Variants in ADPRHL1 observed in about 807,000 individuals in gnomAD.
ADPRHL1 encodes inactive ADP-ribosyltransferase ARH2.
ADPRHL1 carries 43 observed loss-of-function variants against 44.1 expected under a neutral mutation model. The ratio of observed to expected loss-of-function variants is 0.98; its 90% CI spans 0.76 to 1.26. ADPRHL1 has a LOEUF of 1.26. ADPRHL1 is among the 50% of genes most tolerant of loss of function. ADPRHL1 has a pLI of 0.00. For missense variants in ADPRHL1, 2,022 were observed against 2,496.9 expected (o/e 0.81, Z 4.05); for synonymous variants, 878 against 1,017.4 (o/e 0.86, Z 2.61).
chr13:113,426,193 C>T (rs2043966977), intron 4 of ADPRHL1, among the ~76,000 whole-genome samples: 1 of 152,228 alleles, frequency 6.6e-6, no homozygotes. Context: ...CCTGCAGCTA[C>T]ACACCCTACA....
chr13:113,453,104 G>A lies in ADPRHL1; in HGVS notation c.214+120C>T. ...ATTGCCACTTTTAGCAGCGGTATCA[G>A]GTAACACCATCCGCTGAAGGACCGC... On this transcript the variant is annotated intron_variant, in intron 1 of 7. Transcript: ENST00000612156. This position sits in a 1 kb window ranked among gnomAD's most constrained non-coding sequence, Gnocchi z 5.4. 1 of 1,081,610 alleles carries A rather than the reference G, an allele frequency of 9.2e-7. No homozygotes were observed. The highest frequency in any genetic ancestry group is 1.3e-6 in the Non-Finnish European group (1 of 742,632). 67.0% of individuals were successfully genotyped at this position (1,081,610 alleles called of 1,614,324 possible).
intron 7 of ADPRHL1, among the ~76,000 whole-genome samples, chr13:113,412,732 C>T (rs2043862221): frequency 6.6e-6 from 1 of 151,052 alleles, no homozygotes; most frequent in Non-Finnish European, 1.5e-5. Flanking sequence ...CACCCACCGC[C>T]AACAGTGCCC....
chr13:113,425,308 C>A, intron 4 of ADPRHL1, 129 bp from the exon 5 acceptor site: 1 of 921,810 alleles, frequency 1.1e-6, no homozygotes, highest in Non-Finnish European at 1.6e-6. Flanking sequence ...CTCTACCCAG[C>A]TGCAGGCATG....
intron 7 of ADPRHL1, among the ~76,000 whole-genome samples, chr13:113,414,725 G>T (rs1451942009): frequency 2.0e-5 from 3 of 151,374 alleles, no homozygotes; most frequent in Admixed American, 2.0e-4. Flanking sequence ...ACTCAGGCTG[G>T]AGTGCAATGG....
chr13:113,406,788 G>C lies in ADPRHL1; in HGVS notation c.2494C>G (p.Arg832Gly). The C allele has an allele frequency of 8.1e-7, 1 of 1,231,974 alleles. No homozygotes were observed. The highest frequency in any genetic ancestry group is 1.0e-6 in the Non-Finnish European group (1 of 987,966). The allele number at this position is 1,231,974 out of a possible 1,614,324, so 76.3% of individuals were successfully genotyped here. A position where few individuals can be genotyped will look rare whatever the true frequency, so the allele number is the denominator to read the frequency against. ...PLNAPSVQAA[R>G]RTQPATEPPR... ...GGCTCCGTGGCAGGCTGTGTTCTCC[G>C]AGCAGCCTGGACCGATGGAGCGTTC... Residue 832 changes from arginine (R) to glycine (G), a missense_variant, in exon 8 of 8, where the codon CGG becomes GGG. This residue lies in a region of ADPRHL1 where 1,221 missense variants were observed against 1,517.8 expected (regional missense o/e 0.80). Transcript: ENST00000612156.
rs778371595 is a variant in ADPRHL1, at chr13:113,405,172, A to ACG, written c.4108_4109dup (p.Pro1371ValfsTer3). 48 of 1,231,696 alleles carry ACG rather than the reference A, an allele frequency of 3.9e-5. No individual in the cohort carries two copies. The East Asian group carries it at 6.3e-4, about 16-fold the overall frequency. The allele number at this position is 1,231,696 out of a possible 1,614,324, so 76.3% of individuals were successfully genotyped here. ...TCCCCAGGTCCGCCTGTGTCAGGGG[A>ACG]CGCTCCTGGGATTCACCTGCCTGCG... On this transcript the variant is annotated frameshift_variant, in exon 8 of 8. Coordinates refer to ENST00000612156, the MANE Select transcript of ADPRHL1 (RefSeq NM_001394807.1). LOFTEE classifies it low-confidence loss of function (END_TRUNC).
chr13:113,441,330 C>A lies in ADPRHL1; in HGVS notation c.379+3095G>T, dbSNP rs117815562. ...CTGTCTAGTATTTGTCCCTCCTTCC[C>A]CCTTTTCTGCCTTTTTTGGGTTGAA... On this transcript the variant is annotated intron_variant, in intron 2 of 7. Coordinates refer to ENST00000612156, the MANE Select transcript of ADPRHL1 (RefSeq NM_001394807.1). The surrounding 1 kb of genome is among the most constrained non-coding windows in gnomAD (Gnocchi z 6.0). 2.0e-5 allele frequency among the ~76,000 whole-genome samples: 3 copies of A among 152,180 alleles called. No individual in the cohort carries two copies. The East Asian group carries it at 5.8e-4, about 29-fold the overall frequency.
Position 113,408,006 on chromosome 13 carries a change from G to A in ADPRHL1, c.1276C>T (p.Pro426Ser). Residue 426 changes from proline to serine, a missense_variant, in exon 8 of 8, where the codon CCC becomes TCC. Coordinates refer to ENST00000612156, the MANE Select transcript of ADPRHL1 (RefSeq NM_001394807.1). ...QPQTQEATQR[P>S]TRFQLLQAKF... Reference sequence around the variant, plus strand: ...GCCTGCAGGAGCTGGAAGCGCGTGGGCCGCTGGGTGGCCTCCTGGGTCTGG... The same window carrying A: ...GCCTGCAGGAGCTGGAAGCGCGTGGACCGCTGGGTGGCCTCCTGGGTCTGG... 2.4e-6 allele frequency: 3 copies of A among 1,232,738 alleles called. No homozygotes were observed. Among genetic ancestry groups the A allele is most frequent in the Non-Finnish European group, 3.0e-6 (3 of 988,562 alleles). 76.4% of individuals were successfully genotyped at this position (1,232,738 alleles called of 1,614,324 possible).
At position 113,409,015 on chromosome 13, in the gene ADPRHL1, C is replaced by A. The variant is rs1344391418; in HGVS notation, c.1062-795G>T. Among the ~76,000 whole-genome samples, 1 of 152,194 alleles carries A rather than the reference C, an allele frequency of 6.6e-6. No homozygotes were observed. The highest frequency in any genetic ancestry group is 1.5e-5 in the Non-Finnish European group (1 of 68,032). On this transcript the variant is annotated intron_variant, in intron 7 of 7. Transcript: ENST00000612156. This position sits in a 1 kb window ranked among gnomAD's most constrained non-coding sequence, Gnocchi z 4.2. Reference sequence around the variant, plus strand: ...GAGGGCTGGGATCACTTGGCTGGGTCTCCGGAACCCCTTTCAAAATGGCTT... The same window carrying A: ...GAGGGCTGGGATCACTTGGCTGGGTATCCGGAACCCCTTTCAAAATGGCTT...
At chr13:113,421,456 C>T (rs1402690078) in intron 7 of ADPRHL1, among the ~76,000 whole-genome samples, 1 of 152,018 alleles carries the variant, frequency 6.6e-6, no homozygotes, top group Admixed American at 6.5e-5. Context: ...CACGCCCATC[C>T]CCGGGACATG....
Position 113,444,825 on chromosome 13 carries a change from A to C in ADPRHL1, c.215-236T>G, listed in dbSNP as rs112152209. 2.7e-3 allele frequency among the ~76,000 whole-genome samples: 408 copies of C among 152,022 alleles called. 2 individuals carry two copies. Among genetic ancestry groups the C allele is most frequent in the African/African-American group, 9.3e-3 (386 of 41,354 alleles). ...TTTTTAGTAGAGACGGGGTTTCACC[A>C]TGTCGGCCAGGATGGTCTCGATCTC... On this transcript the variant is annotated intron_variant, in intron 1 of 7. Transcript: ENST00000612156.
intron 4 of ADPRHL1, among the ~76,000 whole-genome samples, chr13:113,426,337 C>G (rs1303286192): frequency 6.6e-6 from 1 of 152,218 alleles, no homozygotes; most frequent in African/African-American, 2.4e-5. Flanking sequence ...TCCCTGGCAC[C>G]GCGGGAGCCA....
Position 113,407,320 on chromosome 13 carries a change from G to A in ADPRHL1, c.1962C>T (p.Ser654=), listed in dbSNP as rs959548091. 5 of 1,231,904 alleles carry A rather than the reference G, an allele frequency of 4.1e-6. No homozygotes were observed. Among genetic ancestry groups the A allele is most frequent in the African/African-American group, 1.6e-5 (1 of 64,420 alleles). The allele number at this position is 1,231,904 out of a possible 1,614,324, so 76.3% of individuals were successfully genotyped here. The change falls in exon 8 of 8, where the codon AGC becomes AGT. Residue 654 remains serine (S), a synonymous_variant. Coordinates refer to ENST00000612156, the MANE Select transcript of ADPRHL1 (RefSeq NM_001394807.1). ...EARRPPRGEA[S]VPPSARETGP... ...CCGTCTCCCTGGCACTAGGGGGCAC[G>A]CTGGCTTCTCCTCTGGGTGGACGCC...
chr13:113,439,444 ATTTTTTTTT>A (rs34104211), intron 2 of ADPRHL1, among the ~76,000 whole-genome samples: 2 of 137,864 alleles, frequency 1.5e-5, no homozygotes, highest in African/African-American at 5.5e-5. Context: ...TTTTCTTTGT[ATTTTTTTTT>A]TTTTTTTTTT....
rs76560261 is a variant in ADPRHL1 at position 113,420,378 on chromosome 13, C to T, written c.1061+2448G>A. On this transcript the variant is annotated intron_variant, in intron 7 of 7. Coordinates refer to ENST00000612156, the MANE Select transcript of ADPRHL1 (RefSeq NM_001394807.1). ...AGGGGTTTGATTTGCGGATGGAGAC[C>T]GAGTCCACCCTGTTTGAATGCAGCC... Among the ~76,000 whole-genome samples, 1,067 of 152,074 alleles carry T rather than the reference C, an allele frequency of 7.0e-3. 6 individuals carry two copies. Among genetic ancestry groups the T allele is most frequent in the South Asian group, 0.016 (75 of 4,802 alleles).
At chr13:113,430,790 C>T (rs577098877) in intron 3 of ADPRHL1, among the ~76,000 whole-genome samples, 16 of 151,588 alleles carry the variant, frequency 1.1e-4, no homozygotes, top group South Asian at 2.1e-4. Context: ...GTGTTGCTAG[C>T]GACAGCAGCA....
chr13:113,451,338 T>A (rs921780793), intron 1 of ADPRHL1, among the ~76,000 whole-genome samples: 1 of 152,230 alleles, frequency 6.6e-6, no homozygotes, highest in African/African-American at 2.4e-5. Context: ...ACAGCTCGTG[T>A]CCTCTGTCTC....
Position 113,408,067 on chromosome 13 carries a change from C to T in ADPRHL1, c.1215G>A (p.Gly405=), listed in dbSNP as rs1373213375. Residue 405 remains glycine, a synonymous_variant, in exon 8 of 8, where the codon GGG becomes GGA. Coordinates refer to ENST00000612156, the MANE Select transcript of ADPRHL1 (RefSeq NM_001394807.1). ...TGGGCCTGCTCCCCCCGGCCTCTGT[C>T]CCCGGGGGCCGGTCTGCGCGGCCCG... ...YVTGRADRPP[G]TEAGGSRPSH... The T allele has an allele frequency of 1.6e-6, 2 of 1,231,902 alleles. No individual in the cohort carries two copies. The highest frequency in any genetic ancestry group is 1.6e-5 in the African/African-American group (1 of 64,416). 76.3% of individuals were successfully genotyped at this position (1,231,902 alleles called of 1,614,324 possible).
chr13:113,432,911 C>T (rs1402188628), intron 3 of ADPRHL1, among the ~76,000 whole-genome samples: 1 of 152,172 alleles, frequency 6.6e-6, no homozygotes, highest in Non-Finnish European at 1.5e-5. Flanking sequence ...GGAAGCCAAC[C>T]GAGCCGCCTC....
Sources: gnomAD v4.1 joint callset for allele counts (sites outside exome capture counted in the v4.1 genomes callset) on GRCh38, gnomAD v4.1.1 for gene constraint, gnomAD v4.1.1 regional missense constraint, Gnocchi (gnomAD v3.1) non-coding constraint, MANE v1.5 for transcripts, NCBI Gene and HGNC (gene_info 2026-07-23, HGNC 2026-07-21) for gene names.